PTPN13: variants seen among roughly 807,000 people sequenced by gnomAD.
PTPN13 encodes the protein tyrosine-protein phosphatase non-receptor type 13.
A neutral mutation model predicts 284.0 loss-of-function variants in PTPN13; 191 were observed. The observed-to-expected ratio is 0.67, with a 90% confidence interval of 0.60 to 0.76. The LOEUF (loss-of-function observed/expected upper bound fraction) is 0.76. Ranked by LOEUF, PTPN13 falls within the 30% of genes least tolerant of loss-of-function variation. The pLI is 0.00. For missense variants in PTPN13, 2,797 were observed against 2,939.9 expected (o/e 0.95, Z 1.12); for synonymous variants, 986 against 1,022.3 (o/e 0.96, Z 0.68).
chr4:86,696,504 CAG>C (rs1440796738), intron 6 of PTPN13, among the ~76,000 whole-genome samples: 2 of 151,956 alleles, frequency 1.3e-5, no homozygotes, highest in South Asian at 2.1e-4. Context: ...ATAAAAACAT[CAG>C]AAATTTTAAT....
At chr4:86,785,464 T>A in intron 39 of PTPN13, 96 bp downstream of exon 39, 1 of 1,062,542 alleles carries the variant, frequency 9.4e-7, no homozygotes, top group Non-Finnish European at 1.3e-6. Flanking sequence ...TTAGTTCTTC[T>A]TCTGTTCCTC....
intron 6 of PTPN13, among the ~76,000 whole-genome samples, chr4:86,696,238 A>G (rs1477251709): frequency 2.0e-5 from 3 of 151,952 alleles, no homozygotes; most frequent in Non-Finnish European, 1.5e-5. Context: ...GATGCTGGGG[A>G]TAGGGAAAAC....
At chr4:86,667,225 TAGG>T (rs1391507371) in intron 2 of PTPN13, among the ~76,000 whole-genome samples, 1 of 152,192 alleles carries the variant, frequency 6.6e-6, no homozygotes, top group Non-Finnish European at 1.5e-5. Flanking sequence ...CAAAAGTTCA[TAGG>T]AGTTTAGTAA....
intron 1 of PTPN13, among the ~76,000 whole-genome samples, chr4:86,605,678 T>G (rs191022118): frequency 6.6e-6 from 1 of 151,928 alleles, no homozygotes; most frequent in Admixed American, 6.5e-5. Context: ...CTTCAGAAAG[T>G]GCTGTCATAG....
intron 10 of PTPN13, 63 bp from the exon 11 acceptor site, chr4:86,732,337 C>A (rs1365591562): frequency 1.6e-6 from 2 of 1,277,618 alleles, no homozygotes; most frequent in African/African-American, 3.0e-5. Context: ...CATTATTTTT[C>A]CTTTCAAGGA....
chr4:86,799,454 C>T (rs980980674), intron 42 of PTPN13, among the ~76,000 whole-genome samples: 2 of 151,562 alleles, frequency 1.3e-5, no homozygotes, highest in Non-Finnish European at 2.9e-5. Flanking sequence ...GCCTCAGCCT[C>T]GAGTAGCTGG....
intron 40 of PTPN13, among the ~76,000 whole-genome samples, chr4:86,790,334 G>A (rs1565585849): frequency 1.3e-5 from 2 of 152,062 alleles, no homozygotes; most frequent in East Asian, 3.8e-4. Context: ...CATATTACAG[G>A]TGTCATTTTT....
At chr4:86,802,145 TAGTG>T (rs1265751434) in intron 42 of PTPN13, among the ~76,000 whole-genome samples, 27 of 143,954 alleles carry the variant, frequency 1.9e-4, no homozygotes, top group East Asian at 1.4e-3. Context: ...ATCAAGATTT[TAGTG>T]TGTGTGTGTG....
intron 2 of PTPN13, 102 bp downstream of exon 2, chr4:86,635,473 G>A: frequency 7.4e-6 from 11 of 1,484,218 alleles, no homozygotes; most frequent in Non-Finnish European, 9.9e-6. Context: ...CATTATTCCT[G>A]TGCCTTTGGC....
rs775206866 is a variant in PTPN13, at chr4:86,799,129, A to G, written c.6430A>G (p.Thr2144Ala). 1 of 1,590,008 alleles carries G rather than the reference A, an allele frequency of 6.3e-7. No homozygotes were observed. Among genetic ancestry groups the G allele is most frequent in the East Asian group, 2.3e-5 (1 of 44,088 alleles). The stretch of plus-strand genomic sequence containing the variant: ...AATTCAGAAGCCACAAGAAAAGAAG[A>G]CTGATGATGATGAAATAACATGGGG... ...SLIQKPQEKK[T>A]DDDEITWGND... Residue 2144 changes from threonine to alanine, a missense_variant, in exon 42 of 48, where the codon ACT becomes GCT. Coordinates refer to ENST00000411767, the MANE Select transcript of PTPN13 (RefSeq NM_080683.3).
chr4:86,630,210 A>T (rs1191298257), intron 1 of PTPN13, among the ~76,000 whole-genome samples: 1 of 152,198 alleles, frequency 6.6e-6, no homozygotes, highest in East Asian at 1.9e-4. Flanking sequence ...CATTCATACA[A>T]TTAAAAGCCA....
intron 2 of PTPN13, among the ~76,000 whole-genome samples, chr4:86,639,344 T>C (rs1039646350): frequency 5.9e-5 from 9 of 152,182 alleles, no homozygotes; most frequent in African/African-American, 2.2e-4. Flanking sequence ...CCCAAAGGAC[T>C]ATAAATCATG....
rs1723093952 is a variant in PTPN13, at chr4:86,636,955, GAGA to G, written c.115+1589_115+1591del. On this transcript the variant is annotated intron_variant, in intron 2 of 47. Coordinates refer to ENST00000411767, the MANE Select transcript of PTPN13 (RefSeq NM_080683.3). ...AGCAAGACTAATAAAGAAAAAAAGA[GAGA>G]AGAATCAAATAGACGCAATAAAAAA... Among the ~76,000 whole-genome samples the G allele has an allele frequency of 1.3e-4, 20 of 151,248 alleles. 1 individual carries two copies. The South Asian group carries it at 4.1e-3, about 31-fold the overall frequency.
At position 86,672,512 on chromosome 4, in the gene PTPN13, A is replaced by G. The variant is rs1291973502; in HGVS notation, c.263A>G (p.Gln88Arg). The G allele has an allele frequency of 1.2e-6, 2 of 1,605,412 alleles. No individual in the cohort carries two copies. Among genetic ancestry groups the G allele is most frequent in the Non-Finnish European group, 1.7e-6 (2 of 1,176,344 alleles). ...ACTGCACCAGAGGTTCTTCAAAATC[A>G]GTCACTAACTTCTCTCTCAGATGTT... The part of the protein sequence containing the change: ...AFTAPEVLQN[Q>R]SLTSLSDVEK... Residue 88 changes from glutamine to arginine, a missense_variant, in exon 3 of 48, where the codon CAG (glutamine) becomes CGG (arginine). Gln to Arg is a conservative substitution (Grantham distance 43). Transcript: ENST00000411767.
intron 42 of PTPN13, 118 bp from the exon 43 acceptor site, chr4:86,803,591 T>A (rs1272162872): frequency 3.2e-5 from 35 of 1,102,128 alleles, no homozygotes; most frequent in Non-Finnish European, 3.1e-5. Flanking sequence ...AGATTCTATC[T>A]CTAAATAAAT....
intron 10 of PTPN13, among the ~76,000 whole-genome samples, chr4:86,723,129 TGTTA>T (rs1733861766): frequency 6.6e-6 from 1 of 152,230 alleles, no homozygotes; most frequent in African/African-American, 2.4e-5. Context: ...TCTACATTAT[TGTTA>T]GTGTTATAAA....
At chr4:86,623,539 A>C (rs1403824072) in intron 1 of PTPN13, among the ~76,000 whole-genome samples, 2 of 152,164 alleles carry the variant, frequency 1.3e-5, no homozygotes, top group African/African-American at 4.8e-5. Context: ...CTCATTTCCA[A>C]ATAAAGACAA....
intron 15 of PTPN13, among the ~76,000 whole-genome samples, chr4:86,738,985 T>G (rs576252513): frequency 1.3e-5 from 2 of 152,342 alleles, no homozygotes. Flanking sequence ...CAGCCAACAT[T>G]AACTCTTGAT....
chr4:86,774,511 C>T lies in PTPN13; in HGVS notation c.5488C>T (p.Pro1830Ser). The T allele has an allele frequency of 6.2e-7, 1 of 1,601,592 alleles. No individual in the cohort carries two copies. The change falls in exon 33 of 48, where the codon CCT becomes TCT. Residue 1830 changes from proline to serine, a missense_variant. Pro to Ser is a moderately conservative substitution (Grantham distance 74, BLOSUM62 -1). Transcript: ENST00000411767. ...AGCCAAAAGTGATGGAAGGCTAAAA[C>T]CTGGGGACCGGCTCATAAAGGTGAG... ...DPAKSDGRLK[P>S]GDRLIKVNDT...
Sources: gnomAD v4.1 joint callset for allele counts (sites outside exome capture counted in the v4.1 genomes callset) on GRCh38, gnomAD v4.1.1 for gene constraint, MANE v1.5 for transcripts, NCBI Gene and HGNC (gene_info 2026-07-23, HGNC 2026-07-21) for gene names.